Variants in COMMD6 observed in about 807,000 individuals in gnomAD.
The protein encoded by COMMD6 is COMM domain containing 6.
A neutral mutation model predicts 13.4 loss-of-function variants in COMMD6; 11 were observed. The ratio of observed to expected loss-of-function variants is 0.82; its 90% confidence interval spans 0.52 to 1.36. The LOEUF (loss-of-function observed/expected upper bound fraction) is 1.36. Ranked by LOEUF, COMMD6 falls within the 40% of genes most tolerant of loss-of-function variation. The probability of loss-of-function intolerance (pLI) is 0.00; values close to 1 mark genes in which losing one functional copy is unlikely to be tolerated. For synonymous variants in COMMD6, 43 were observed against 36.5 expected (o/e 1.18, Z -0.64); for missense variants, 124 against 102.4 (o/e 1.21, Z -0.91).
rs373926978 is a variant in COMMD6, at chr13:75,529,270, T to C, written c.207+844A>G. Among the ~76,000 whole-genome samples, 11 of 152,206 alleles carry C rather than the reference T, an allele frequency of 7.2e-5. No homozygotes were observed. In the East Asian group the frequency reaches 1.2e-3, roughly 16 times the overall value. On this transcript the variant is annotated intron_variant, in intron 3 of 3. Transcript: ENST00000682242. The stretch of plus-strand genomic sequence containing the variant: ...GCCCGGTGGCTCACGCCTGTAATCC[T>C]GGCACTTTGGGAGGCCAAGGTGGGT...
At chr13:75,527,345 T>C (rs1394410528) in intron 3 of COMMD6, among the ~76,000 whole-genome samples, 1 of 152,226 alleles carries the variant, frequency 6.6e-6, no homozygotes, top group African/African-American at 2.4e-5. Context: ...AGAGGATTTG[T>C]ATTGTTTTAA....
At chr13:75,526,687 T>G (rs2030276206) in intron 3 of COMMD6, 48 bp from the exon 4 acceptor site, 1 of 1,312,226 alleles carries the variant, frequency 7.6e-7, no homozygotes, top group African/African-American at 1.5e-5. Flanking sequence ...TTAGAAGATA[T>G]TTAAGTAGTT....
upstream of COMMD6, among the ~76,000 whole-genome samples, chr13:75,541,324 G>A (rs2030821371): frequency 6.6e-6 from 1 of 152,086 alleles, no homozygotes; most frequent in African/African-American, 2.4e-5. Context: ...TGTGAGATGT[G>A]AATAGCAAAA....
chr13:75,533,824 T>G (rs764945965), intron 2 of COMMD6, among the ~76,000 whole-genome samples: 2 of 152,146 alleles, frequency 1.3e-5, no homozygotes, highest in Non-Finnish European at 1.5e-5. Flanking sequence ...AAAAGTATCA[T>G]TAAGAGATGA....
chr13:75,540,820 T>C (rs2030816187), upstream of COMMD6, among the ~76,000 whole-genome samples: 2 of 152,236 alleles, frequency 1.3e-5, no homozygotes, highest in African/African-American at 4.8e-5. Flanking sequence ...TACTATCACA[T>C]GCATAGGAAG....
upstream of COMMD6, chr13:75,537,915 G>T: frequency 8.5e-7 from 1 of 1,171,518 alleles, no homozygotes; most frequent in Non-Finnish European, 1.2e-6. Flanking sequence ...GACGTAGCAG[G>T]GGAAGCTGAA....
At chr13:75,537,993 A>C (rs1238199704), upstream of COMMD6, 2 of 486,432 alleles carry the variant, frequency 4.1e-6, no homozygotes, top group Non-Finnish European at 7.1e-6. Flanking sequence ...ATTGAGCTAA[A>C]AGAAAATTAT....
chr13:75,527,325 T>C (rs147116672), intron 3 of COMMD6, among the ~76,000 whole-genome samples: 11 of 152,336 alleles, frequency 7.2e-5, no homozygotes, highest in African/African-American at 2.2e-4. Context: ...ATTTTCTATT[T>C]TGCTACTTAA....
At chr13:75,527,825 G>C in intron 3 of COMMD6, 1 of 1,511,376 alleles carries the variant, frequency 6.6e-7, no homozygotes, top group Non-Finnish European at 8.9e-7. Flanking sequence ...AAGCAGAAAG[G>C]AGACTGGAGG....
chr13:75,542,350 TGCGTTCTCA>T (rs2030839443), upstream of COMMD6, among the ~76,000 whole-genome samples: 1 of 149,758 alleles, frequency 6.7e-6, no homozygotes, highest in African/African-American at 2.4e-5. Context: ...AGTGCAATGG[TGCGTTCTCA>T]GCTTACTGCA....
intron 2 of COMMD6, among the ~76,000 whole-genome samples, chr13:75,536,930 G>A (rs1040568265): frequency 6.6e-6 from 1 of 152,180 alleles, no homozygotes; most frequent in Non-Finnish European, 1.5e-5. Flanking sequence ...CCAGGTAGAC[G>A]GTTGACAGCT....
intron 3 of COMMD6, among the ~76,000 whole-genome samples, chr13:75,528,781 G>A (rs1334563501): frequency 6.6e-6 from 1 of 151,708 alleles, no homozygotes; most frequent in African/African-American, 2.4e-5. Flanking sequence ...GGCAGAGGTT[G>A]CAGTGAGCCT....
chr13:75,529,964 A>G lies in COMMD6; in HGVS notation c.207+150T>C. 9 of 577,852 alleles carry G rather than the reference A, an allele frequency of 1.6e-5. No homozygotes were observed. In the South Asian group the frequency reaches 2.3e-4, roughly 15 times the overall value. 35.8% of individuals were successfully genotyped at this position (577,852 alleles called of 1,614,324 possible). Reference sequence around the variant, plus strand: ...TCAAATTCCCAAAGAAGACAAATTAATGTCTCTTGCATATACTACTAGTAA... The same window carrying G: ...TCAAATTCCCAAAGAAGACAAATTAGTGTCTCTTGCATATACTACTAGTAA... On this transcript the variant is annotated intron_variant, in intron 3 of 3. Transcript: ENST00000682242.
intron 1 of COMMD6, among the ~76,000 whole-genome samples, chr13:75,544,682 G>A (rs1434405466): frequency 6.6e-6 from 1 of 152,108 alleles, no homozygotes; most frequent in East Asian, 1.9e-4. Flanking sequence ...AGAATCACTT[G>A]AACTCAGGAG....
chr13:75,535,428 G>T (rs2030631968), intron 2 of COMMD6, among the ~76,000 whole-genome samples: 3 of 152,218 alleles, frequency 2.0e-5, no homozygotes, highest in Admixed American at 2.0e-4. Flanking sequence ...TAAGGAAGTT[G>T]GAAGACCCTG....
intron 1 of COMMD6, among the ~76,000 whole-genome samples, chr13:75,545,418 T>C (rs1381764077): frequency 6.6e-6 from 1 of 152,168 alleles, no homozygotes; most frequent in African/African-American, 2.4e-5. Flanking sequence ...TTTTTTCACA[T>C]TTACATCAGG....
chr13:75,547,377 G>A (rs2030920347), intron 1 of COMMD6, among the ~76,000 whole-genome samples: 10 of 152,064 alleles, frequency 6.6e-5, no homozygotes. Context: ...GTATAGATTT[G>A]GGAATTACCA....
At chr13:75,529,894 A>G in intron 3 of COMMD6, 1 of 448,690 alleles carries the variant, frequency 2.2e-6, no homozygotes, top group Non-Finnish European at 4.0e-6. Context: ...AAGCGATCAA[A>G]TGGCGCAGTA....
intron 3 of COMMD6, among the ~76,000 whole-genome samples, chr13:75,529,520 CAAAAAAAAAAAAAAAA>C (rs58073558): frequency 1.9e-5 from 2 of 104,644 alleles, no homozygotes; most frequent in African/African-American, 3.7e-5. Context: ...GACTCCGTCT[CAAAAAAAAAAAAAAAA>C]AAAAAAAAAA....
Sources: gnomAD v4.1 joint callset for allele counts (sites outside exome capture counted in the v4.1 genomes callset) on GRCh38, gnomAD v4.1.1 for gene constraint, MANE v1.5 for transcripts, NCBI Gene and HGNC (gene_info 2026-07-23, HGNC 2026-07-21) for gene names.